Variants in KLF12 observed in about 807,000 individuals in gnomAD.
KLF12 encodes the protein Krueppel-like factor 12.
KLF12 carries 9 observed loss-of-function variants against 37.8 expected under a neutral mutation model. The ratio of observed to expected loss-of-function variants is 0.24; its 90% CI spans 0.14 to 0.42. The LOEUF is 0.42. Among genes scored for constraint, KLF12 ranks in the 10% least tolerant of loss-of-function variants. The pLI is 1.00. For synonymous variants in KLF12, 208 were observed against 202.1 expected, an observed-to-expected ratio of 1.03 and a Z score of -0.25; for missense variants, 411 against 516.0, an observed-to-expected ratio of 0.80 and a Z score of 1.97.
At position 73,712,447 on chromosome 13, in the gene KLF12, C is replaced by T. The variant is rs143358274; in HGVS notation, c.1027+2921G>A. Among the ~76,000 whole-genome samples, 774 of 151,194 alleles carry T rather than the reference C, an allele frequency of 5.1e-3. 5 individuals carry two copies. The highest frequency in any genetic ancestry group is 0.017 in the African/African-American group (708 of 41,072). On this transcript the variant is annotated intron_variant, in intron 7 of 7. Coordinates refer to ENST00000377669, the MANE Select transcript of KLF12 (RefSeq NM_007249.5). ...AATGAGGAACTGCTTCTTACGGATG[C>T]GCAAAAAAAGTGATTCTTGAAATGG... is the stretch of plus-strand genomic sequence containing the variant.
chr13:74,250,823 C>A, the KLF12 span, among the ~76,000 whole-genome samples: 1 of 152,126 alleles, frequency 6.6e-6, no homozygotes, highest in Non-Finnish European at 1.5e-5. Context: ...CATTAGTCAT[C>A]ACCTCGAAAA....
intron 3 of KLF12, among the ~76,000 whole-genome samples, chr13:73,899,485 A>G (rs1887939756): frequency 6.6e-6 from 1 of 152,204 alleles, no homozygotes; most frequent in Non-Finnish European, 1.5e-5. Context: ...AAAAGCTTAA[A>G]GTTGGATATG....
the KLF12 span, among the ~76,000 whole-genome samples, chr13:74,193,496 G>A: frequency 1.3e-5 from 2 of 152,148 alleles, no homozygotes; most frequent in Non-Finnish European, 2.9e-5. Context: ...TGACTCTACA[G>A]CCCACACTTC....
At chr13:73,977,265 G>A (rs1318191997) in intron 2 of KLF12, among the ~76,000 whole-genome samples, 1 of 151,902 alleles carries the variant, frequency 6.6e-6, no homozygotes, top group Non-Finnish European at 1.5e-5. Context: ...AGCTGGCCTC[G>A]AACTCCTGAG....
At chr13:74,155,859 G>T in the KLF12 span, among the ~76,000 whole-genome samples, 2 of 152,096 alleles carry the variant, frequency 1.3e-5, no homozygotes, top group Non-Finnish European at 2.9e-5. Flanking sequence ...TATTGGGAGG[G>T]GTTTCAGCCC....
chr13:73,958,098 C>T (rs909152741), intron 2 of KLF12, among the ~76,000 whole-genome samples: 3 of 152,156 alleles, frequency 2.0e-5, no homozygotes, highest in Non-Finnish European at 4.4e-5. Context: ...GCAGCTGAGA[C>T]ATGACTAGTC....
the KLF12 span, among the ~76,000 whole-genome samples, chr13:74,139,834 T>G: frequency 6.6e-6 from 1 of 152,060 alleles, no homozygotes; most frequent in Non-Finnish European, 1.5e-5. Flanking sequence ...TATAATAAAT[T>G]GAGGCATATG....
intron 3 of KLF12, among the ~76,000 whole-genome samples, chr13:73,931,576 C>T (rs9543495): frequency 0.97 from 147,562 of 152,278 alleles, 71,671 homozygotes; most frequent in East Asian, 1. Context: ...ACTGTCTCTA[C>T]ATCTATCTTC....
chr13:74,060,484 T>TTGTGTGTG (rs60242793), intron 1 of KLF12, among the ~76,000 whole-genome samples: 3,779 of 108,476 alleles, frequency 0.035, 80 homozygotes, highest in Middle Eastern at 0.054. Flanking sequence ...TACCTAGGTT[T>TTGTGTGTG]TGTGTGTGTG....
intron 7 of KLF12, 115 bp from the exon 8 acceptor site, chr13:73,695,786 T>A (rs973623664): frequency 1.8e-5 from 18 of 1,004,210 alleles, no homozygotes; most frequent in Non-Finnish European, 2.7e-5. Context: ...CGTTGGTAAA[T>A]CTTTGTCGGG....
intron 4 of KLF12, among the ~76,000 whole-genome samples, chr13:73,840,300 T>G (rs1490554965): frequency 6.6e-6 from 1 of 152,130 alleles, no homozygotes; most frequent in Non-Finnish European, 1.5e-5. Flanking sequence ...AACCTCACAA[T>G]GCTCAGGTGT....
chr13:74,026,039 A>C (rs1169471938), intron 1 of KLF12, among the ~76,000 whole-genome samples: 1 of 152,190 alleles, frequency 6.6e-6, no homozygotes, highest in African/African-American at 2.4e-5. Flanking sequence ...ATTAATCATC[A>C]TAATTTATGC....
rs1205336871 is a variant in KLF12, at chr13:73,695,553, A to G, written c.1146T>C (p.Cys382=). Reference sequence around the variant, plus strand: ...GATCTGACCGGGAAAAGCTGCGATCACAGTCCGCGCACTTGAATGGCTTCA... The same window carrying G: ...GATCTGACCGGGAAAAGCTGCGATCGCAGTCCGCGCACTTGAATGGCTTCA... Residue 382 remains cysteine (C), a synonymous_variant, in exon 8 of 8, where the codon TGT becomes TGC. Coordinates refer to ENST00000377669, the MANE Select transcript of KLF12 (RefSeq NM_007249.5). The G allele has an allele frequency of 1.2e-6, 2 of 1,613,990 alleles. No individual in the cohort carries two copies. Among genetic ancestry groups the G allele is most frequent in the African/African-American group, 1.3e-5 (1 of 74,922 alleles).
At chr13:73,870,044 T>A (rs1055117743) in intron 3 of KLF12, among the ~76,000 whole-genome samples, 2 of 152,234 alleles carry the variant, frequency 1.3e-5, no homozygotes, top group African/African-American at 4.8e-5. Context: ...AAAAGAACTT[T>A]TCTGCCATTT....
chr13:73,725,830 A>AATTT (rs1566322018), intron 6 of KLF12, among the ~76,000 whole-genome samples: 1 of 136,388 alleles, frequency 7.3e-6, no homozygotes, highest in African/African-American at 2.7e-5. Flanking sequence ...CATATTTCAA[A>AATTT]ATGTATTTAT....
chr13:74,302,476 C>T, the KLF12 span, among the ~76,000 whole-genome samples: 2 of 152,106 alleles, frequency 1.3e-5, no homozygotes, highest in African/African-American at 4.8e-5. Flanking sequence ...TTGTGAGCAG[C>T]TGTAACCAAA....
rs11843949 is a variant in KLF12 at position 73,781,286 on chromosome 13, C to T, written c.807-16286G>A. Among the ~76,000 whole-genome samples, 160 of 152,308 alleles carry T rather than the reference C, an allele frequency of 1.1e-3. 1 individual carries two copies. The highest frequency in any genetic ancestry group is 3.6e-3 in the African/African-American group (150 of 41,574). The stretch of plus-strand genomic sequence containing the variant: ...AACAACTTTTATATGCACTGGGAAA[C>T]CAAAAATTTGTGTGGCTTGCCTTGT... On this transcript the variant is annotated intron_variant, in intron 5 of 7. Coordinates refer to ENST00000377669, the MANE Select transcript of KLF12 (RefSeq NM_007249.5).
intron 1 of KLF12, among the ~76,000 whole-genome samples, chr13:74,042,303 CAAAAAAA>C (rs547433221): frequency 1.3e-5 from 1 of 74,538 alleles, no homozygotes; most frequent in African/African-American, 4.3e-5. Context: ...GACTCCATCT[CAAAAAAA>C]AAAAAAAAAA....
At chr13:74,082,255 C>T (rs1874960389) in intron 1 of KLF12, among the ~76,000 whole-genome samples, 1 of 151,760 alleles carries the variant, frequency 6.6e-6, no homozygotes. Context: ...ATCACCTGAC[C>T]CCAGGAGTTC....
Sources: allele counts gnomAD v4.1 joint callset (sites outside exome capture counted in the v4.1 genomes callset), GRCh38; gene constraint gnomAD v4.1.1; transcripts MANE v1.5; gene names NCBI Gene and HGNC (gene_info 2026-07-23, HGNC 2026-07-21).